The following HLA-DRB1 variants were observed in gnomAD, a reference collection of about 807,000 sequenced individuals.
HLA-DRB1 encodes major histocompatibility complex, class II, DR beta 1, also known as major histocompatibility complex, class II, DR beta 1 precursor.
HLA-DRB1 carries 10 observed loss-of-function variants against 27.9 expected under a neutral mutation model. That is an observed-to-expected ratio of 0.36 (90% CI 0.22 to 0.61). The LOEUF (loss-of-function observed/expected upper bound fraction) is 0.61, where lower values mean the gene tolerates loss of function less well. Among genes scored for constraint, HLA-DRB1 ranks in the 20% least tolerant of loss-of-function variants. The pLI is 0.73. For synonymous variants in HLA-DRB1, 57 were observed against 126.7 expected, an observed-to-expected ratio of 0.45 and a Z score of 3.69; for missense variants, 118 against 306.3, an observed-to-expected ratio of 0.39 and a Z score of 4.59.
rs41285644 is a variant in HLA-DRB1 at position 32,583,800 on chromosome 6, C to G, written c.370+309G>C. 3.2e-3 allele frequency among the ~76,000 whole-genome samples: 235 copies of G among 73,746 alleles called. 1 individual carries two copies. Among genetic ancestry groups the G allele is most frequent in the Middle Eastern group, 0.01 (1 of 100 alleles). 48.4% of individuals were successfully genotyped at this position (73,746 alleles called of 152,430 possible). ...TCCTCTCTCTCCAGCCCCCAGCACC[C>G]ACCTCCCTTGTCACCTCCCCACAGA... is the stretch of plus-strand genomic sequence containing the variant. On this transcript the variant is annotated intron_variant, in intron 2 of 5. Coordinates refer to ENST00000360004, the Ensembl canonical transcript of HLA-DRB1.
At chr6:32,580,687 G>GTT in intron 4 of HLA-DRB1, 59 bp downstream of exon 4, 1 of 1,444,424 alleles carries the variant, frequency 6.9e-7, no homozygotes, top group Non-Finnish European at 9.5e-7. Flanking sequence ...CCTCAGCAAA[G>GTT]CCATAGTTCC....
At chr6:32,581,698 T>C (rs701829) in exon 3 of HLA-DRB1, 1,001,661 of 1,205,416 alleles carry the variant, frequency 0.83, 456,375 homozygotes, top group Admixed American at 0.88. Context: ...GTGGACACCA[T>C]CCCAGCCTTC....
chr6:32,585,233 C>T (rs573504840), intron 1 of HLA-DRB1, among the ~76,000 whole-genome samples: 27,533 of 76,336 alleles, frequency 0.36, 8,566 homozygotes, highest in Middle Eastern at 0.52. Context: ...CATTTCTGTC[C>T]CCACTCTAAG....
At chr6:32,583,414 C>T (rs41284703) in intron 2 of HLA-DRB1, among the ~76,000 whole-genome samples, 562 of 44,138 alleles carry the variant, frequency 0.013, 6 homozygotes, top group East Asian at 0.017. Context: ...AAAATAGTAA[C>T]CGTGTCAAAA....
At chr6:32,583,657 C>T (rs112839065) in intron 2 of HLA-DRB1, among the ~76,000 whole-genome samples, 335 of 57,676 alleles carry the variant, frequency 5.8e-3, no homozygotes, top group Admixed American at 8.3e-3. Context: ...AACTGGCCTC[C>T]TCACATTATC....
chr6:32,588,647 G>T (rs1776887033), intron 1 of HLA-DRB1, among the ~76,000 whole-genome samples: 1 of 63,390 alleles, frequency 1.6e-5, no homozygotes, highest in African/African-American at 6.5e-5. Context: ...CAAGACCCCA[G>T]TAAGACAATG....
rs28366217 is a variant in HLA-DRB1, at chr6:32,589,551, A to T, written c.100+92T>A. ...GGCAATCTCTGAAGAAAACGTCACA[A>T]TTTCTTAAGGGACATGGCCTGGGCA... is the stretch of plus-strand genomic sequence containing the variant. On this transcript the variant is annotated intron_variant, in intron 1 of 5. Coordinates refer to ENST00000360004, the Ensembl canonical transcript of HLA-DRB1. 9.0e-3 allele frequency: 3,528 copies of T among 393,086 alleles called. 11 individuals carry two copies. The highest frequency in any genetic ancestry group is 0.077 in the African/African-American group (1,654 of 21,540). 24.3% of individuals were successfully genotyped at this position (393,086 alleles called of 1,614,324 possible).
intron 1 of HLA-DRB1, among the ~76,000 whole-genome samples, chr6:32,588,474 T>A (rs1190758196): frequency 1.4e-5 from 1 of 70,916 alleles, no homozygotes. Context: ...AAAAAGTCTC[T>A]TTCAATGAAT....
At chr6:32,584,771 G>T (rs111246179) in intron 1 of HLA-DRB1, among the ~76,000 whole-genome samples, 9,630 of 81,908 alleles carry the variant, frequency 0.12, 18 homozygotes, top group Admixed American at 0.19. Context: ...CACCCACCGC[G>T]TTCACCCTGT....
At chr6:32,578,898 A>AAAG in exon 6 of HLA-DRB1, 1 of 484,910 alleles carries the variant, frequency 2.1e-6, no homozygotes, top group Non-Finnish European at 3.8e-6. Flanking sequence ...CGCTGCCATC[A>AAAG]ATGCTGGGAC....
intron 1 of HLA-DRB1, among the ~76,000 whole-genome samples, chr6:32,589,439 AAG>A (rs1777034895): frequency 0.19 from 12,367 of 64,678 alleles, 756 homozygotes; most frequent in East Asian, 0.27. Context: ...GATTTGTGCA[AAG>A]GCCCCTTACA....
chr6:32,580,327 C>T (rs35390341), intron 4 of HLA-DRB1, 57 bp from the exon 5 acceptor site: 181 of 733,484 alleles, frequency 2.5e-4, no homozygotes, highest in Admixed American at 5.2e-4. Context: ...ATCTGTCCTC[C>T]AACACAATGT....
At chr6:32,584,703 G>GCCTCAA (rs373304672) in intron 1 of HLA-DRB1, among the ~76,000 whole-genome samples, 2 of 105,570 alleles carry the variant, frequency 1.9e-5, no homozygotes, top group East Asian at 5.5e-4. Flanking sequence ...CCTCCTGGGA[G>GCCTCAA]CCCCAAAGAC....
exon 6 of HLA-DRB1, chr6:32,578,830 A>T: frequency 5.5e-6 from 2 of 362,460 alleles, no homozygotes; most frequent in Non-Finnish European, 1.0e-5. Context: ...GGGTGAATAC[A>T]GATGCACGGG....
Position 32,579,926 on chromosome 6 carries a change from A to G in HLA-DRB1, c.787+321T>C, listed in dbSNP as rs1391152416. 1.2e-4 allele frequency among the ~76,000 whole-genome samples: 4 copies of G among 33,074 alleles called. 2 individuals carry two copies. The highest frequency in any genetic ancestry group is 4.5e-4 in the African/African-American group (4 of 8,914). The allele number at this position is 33,074 out of a possible 152,430, so 21.7% of individuals were successfully genotyped here. On this transcript the variant is annotated intron_variant, in intron 5 of 5. Coordinates refer to ENST00000360004, the Ensembl canonical transcript of HLA-DRB1. Reference sequence around the variant, plus strand: ...AGACCATCCTGGCTAAAACGGTGAAACCCCGTCTCTACTAAAAATACAAAA... The same window carrying G: ...AGACCATCCTGGCTAAAACGGTGAAGCCCCGTCTCTACTAAAAATACAAAA...
chr6:32,586,358 G>A (rs73729321), intron 1 of HLA-DRB1, among the ~76,000 whole-genome samples: 7,075 of 77,236 alleles, frequency 0.092, 756 homozygotes, highest in Non-Finnish European at 0.099. Flanking sequence ...TCCATTGACT[G>A]CAAATATCGA....
chr6:32,588,880 C>T (rs9270223), intron 1 of HLA-DRB1, among the ~76,000 whole-genome samples: 81,804 of 117,876 alleles, frequency 0.69, 30,472 homozygotes, highest in Middle Eastern at 0.83. Context: ...GAAACAAGTA[C>T]AGAAAGGTTA....
At position 32,585,099 on chromosome 6, in the gene HLA-DRB1, A is replaced by G. The variant is rs866214788; in HGVS notation, c.101-721T>C. Among the ~76,000 whole-genome samples the G allele has an allele frequency of 9.6e-3, 1,027 of 107,314 alleles. 4 individuals are homozygous for G. The highest frequency in any genetic ancestry group is 0.012 in the African/African-American group (294 of 25,098). 70.4% of individuals were successfully genotyped at this position (107,314 alleles called of 152,430 possible). A position where few individuals can be genotyped will look rare whatever the true frequency, so the allele number is the denominator to read the frequency against. On this transcript the variant is annotated intron_variant, in intron 1 of 5. Transcript: ENST00000360004. ...CAACTTGCTAGTCAAACCTCAGAAGAAGGAGTGATTTAATACTTCCTTGTG... is the reference window on the plus strand; with the variant it reads ...CAACTTGCTAGTCAAACCTCAGAAGGAGGAGTGATTTAATACTTCCTTGTG...
At chr6:32,581,165 A>G (rs796204497) in intron 3 of HLA-DRB1, among the ~76,000 whole-genome samples, 10 of 76,770 alleles carry the variant, frequency 1.3e-4, no homozygotes, top group Non-Finnish European at 1.7e-4. Flanking sequence ...AGCAGGGCTG[A>G]GATTGGACTC....
Sources: allele counts gnomAD v4.1 joint callset (sites outside exome capture counted in the v4.1 genomes callset), GRCh38; gene constraint gnomAD v4.1.1; transcripts MANE v1.5; gene names NCBI Gene and HGNC (gene_info 2026-07-23, HGNC 2026-07-21).